The following CRPPA variants were observed in gnomAD, a reference collection of about 807,000 sequenced individuals.
CRPPA encodes D-ribitol-5-phosphate cytidylyltransferase.
Under a neutral mutation model 52.0 loss-of-function variants are expected in CRPPA, and 43 were observed. The observed-to-expected ratio is 0.83, with a 90% CI of 0.65 to 1.07. The LOEUF is 1.07. Among genes scored for constraint, CRPPA ranks in the 50% least tolerant of loss-of-function variants. CRPPA has a pLI of 0.00. For missense variants in CRPPA, 629 were observed against 551.7 expected, an observed-to-expected ratio of 1.14 and a Z score of -1.40; for synonymous variants, 250 against 203.5, an observed-to-expected ratio of 1.23 and a Z score of -1.94.
intron 8 of CRPPA, among the ~76,000 whole-genome samples, chr7:16,224,227 T>C (rs939734976): frequency 3.9e-5 from 6 of 152,166 alleles, no homozygotes; most frequent in Non-Finnish European, 8.8e-5. Flanking sequence ...TGTCTAGAAT[T>C]CATTTAATAT....
rs145178251 is a variant in CRPPA at position 16,374,209 on chromosome 7, G to C, written c.684+1883C>G. Among the ~76,000 whole-genome samples the C allele has an allele frequency of 6.0e-3, 915 of 152,202 alleles. 6 individuals are homozygous for C. Among genetic ancestry groups the C allele is most frequent in the South Asian group, 0.027 (128 of 4,822 alleles). On this transcript the variant is annotated intron_variant, in intron 3 of 9. Coordinates refer to ENST00000407010, the MANE Select transcript of CRPPA (RefSeq NM_001101426.4). ...AATTGGTTGCCAGCACAGCTAGAACGAAGCAGGCAGAAGAAGGTGGGATAA... is the reference window on the plus strand; with the variant it reads ...AATTGGTTGCCAGCACAGCTAGAACCAAGCAGGCAGAAGAAGGTGGGATAA...
At chr7:16,265,588 G>C (rs890819969) in intron 6 of CRPPA, among the ~76,000 whole-genome samples, 1 of 152,166 alleles carries the variant, frequency 6.6e-6, no homozygotes, top group Non-Finnish European at 1.5e-5. Context: ...TATATGTAAA[G>C]ACCCAGTAGC....
intron 4 of CRPPA, 96 bp downstream of exon 4, chr7:16,308,427 T>A: frequency 1.4e-6 from 1 of 700,490 alleles, no homozygotes; most frequent in Non-Finnish European, 2.6e-6. Context: ...GAGACTCCCT[T>A]AACTCCTACT....
intron 9 of CRPPA, among the ~76,000 whole-genome samples, chr7:16,120,195 T>C (rs903425516): frequency 6.6e-6 from 1 of 152,240 alleles, no homozygotes; most frequent in East Asian, 1.9e-4. Context: ...CTTTAAGCCC[T>C]TCAGGTGTTG....
At chr7:16,099,526 G>A (rs964568713) in intron 9 of CRPPA, among the ~76,000 whole-genome samples, 40 of 151,368 alleles carry the variant, frequency 2.6e-4, no homozygotes, top group African/African-American at 9.7e-4. Context: ...GAGGGAAGGA[G>A]AAGGGAAGGG....
intron 9 of CRPPA, among the ~76,000 whole-genome samples, chr7:16,184,664 G>T (rs1057062043): frequency 2.0e-5 from 3 of 152,152 alleles, no homozygotes; most frequent in African/African-American, 7.2e-5. Context: ...AAAACAAATA[G>T]AGTTTCCTTG....
At position 16,121,961 on chromosome 7, in the gene CRPPA, C is replaced by T. The variant is rs80295513; in HGVS notation, c.1252-30162G>A. ...TCAGTGAGGTGTAGGACATAGGAAA[C>T]GCTAAGGAACATTTAATTATTGCTC... On this transcript the variant is annotated intron_variant, in intron 9 of 9. Transcript: ENST00000407010. Among the ~76,000 whole-genome samples the T allele has an allele frequency of 9.2e-5, 14 of 152,078 alleles. No homozygotes were observed. The East Asian group carries it at 2.1e-3, about 23-fold the overall frequency.
At chr7:16,401,024 G>A (rs1207161965) in intron 2 of CRPPA, among the ~76,000 whole-genome samples, 1 of 152,096 alleles carries the variant, frequency 6.6e-6, no homozygotes, top group Non-Finnish European at 1.5e-5. Flanking sequence ...CAGAGTTTGA[G>A]GTTTCATGAT....
intron 6 of CRPPA, among the ~76,000 whole-genome samples, chr7:16,259,842 T>G (rs1783749014): frequency 6.6e-6 from 1 of 151,928 alleles, no homozygotes; most frequent in African/African-American, 2.4e-5. Context: ...AACATCAAAC[T>G]CTGTAACTCT....
chr7:16,217,033 A>G (rs1424097071), intron 8 of CRPPA, among the ~76,000 whole-genome samples: 1 of 151,584 alleles, frequency 6.6e-6, no homozygotes, highest in African/African-American at 2.4e-5. Flanking sequence ...GCAGACTTAA[A>G]TGTCCCTGTC....
intron 3 of CRPPA, 35 bp downstream of exon 3, chr7:16,376,055 CAT>C: frequency 6.5e-7 from 1 of 1,541,810 alleles, no homozygotes; most frequent in Non-Finnish European, 8.8e-7. Flanking sequence ...GGGAACCTGA[CAT>C]AACAGCAGCT....
intron 2 of CRPPA, among the ~76,000 whole-genome samples, chr7:16,397,962 G>C (rs1391720915): frequency 6.6e-6 from 1 of 152,230 alleles, no homozygotes; most frequent in Non-Finnish European, 1.5e-5. Context: ...TTTGACATGT[G>C]ACTTACATGC....
chr7:16,181,729 A>C (rs532015227), intron 9 of CRPPA, among the ~76,000 whole-genome samples: 6 of 152,166 alleles, frequency 3.9e-5, no homozygotes, highest in South Asian at 4.1e-4. Context: ...TTCACAACAT[A>C]TGTGTAATTA....
At chr7:16,191,666 G>C (rs1399922216) in intron 9 of CRPPA, among the ~76,000 whole-genome samples, 2 of 152,092 alleles carry the variant, frequency 1.3e-5, no homozygotes, top group East Asian at 3.9e-4. Context: ...TTGAGGCTTT[G>C]TACCGGTTGC....
intron 9 of CRPPA, among the ~76,000 whole-genome samples, chr7:16,093,956 C>T (rs1042836363): frequency 2.6e-5 from 4 of 152,096 alleles, no homozygotes; most frequent in African/African-American, 7.2e-5. Context: ...GTCTCTATCA[C>T]CCCGTTGAAA....
intron 5 of CRPPA, among the ~76,000 whole-genome samples, chr7:16,278,706 C>G (rs952695229): frequency 1.3e-5 from 2 of 152,144 alleles, no homozygotes; most frequent in Non-Finnish European, 2.9e-5. Context: ...ATTTTCAATT[C>G]AGTACAATTA....
intron 9 of CRPPA, among the ~76,000 whole-genome samples, chr7:16,112,932 C>T (rs1458936698): frequency 1.3e-5 from 2 of 151,816 alleles, no homozygotes; most frequent in Non-Finnish European, 2.9e-5. Context: ...TACATAAATA[C>T]AGAAATGCAT....
intron 3 of CRPPA, among the ~76,000 whole-genome samples, chr7:16,359,233 T>C (rs571733057): frequency 1.3e-5 from 2 of 152,312 alleles, no homozygotes; most frequent in African/African-American, 4.8e-5. Flanking sequence ...GGTGATCCTC[T>C]GCCTCAGCCT....
At chr7:16,371,399 G>A (rs1786745233) in intron 3 of CRPPA, among the ~76,000 whole-genome samples, 1 of 152,004 alleles carries the variant, frequency 6.6e-6, no homozygotes, top group Non-Finnish European at 1.5e-5. Context: ...CCTACAATCA[G>A]CATCTGGGAA....
Sources: gnomAD v4.1 joint callset for allele counts (sites outside exome capture counted in the v4.1 genomes callset) on GRCh38, gnomAD v4.1.1 for gene constraint, MANE v1.5 for transcripts, NCBI Gene and HGNC (gene_info 2026-07-23, HGNC 2026-07-21) for gene names.